BCAS1: variants seen among roughly 807,000 people sequenced by gnomAD.
BCAS1 encodes breast carcinoma-amplified sequence 1.
In BCAS1, 46 loss-of-function variants were observed where a neutral mutation model predicts 65.4. The ratio of observed to expected loss-of-function variants is 0.70; its 90% CI spans 0.55 to 0.90. The LOEUF (loss-of-function observed/expected upper bound fraction) is 0.90. BCAS1 is among the 40% of genes least tolerant of loss of function. The pLI, the probability that BCAS1 is intolerant of heterozygous loss-of-function variation, is 0.00. For synonymous variants in BCAS1, 298 were observed against 293.5 expected (o/e 1.02, Z -0.16); for missense variants, 793 against 771.2 (o/e 1.03, Z -0.33).
Position 54,040,751 on chromosome 20 carries a change from T to A in BCAS1, c.143-11779A>T, listed in dbSNP as rs547883781. 8.7e-4 allele frequency among the ~76,000 whole-genome samples: 132 copies of A among 151,278 alleles called. 2 individuals carry two copies. Among genetic ancestry groups the A allele is most frequent in the African/African-American group, 3.2e-3 (131 of 41,424 alleles). ...ATGCATTGCTGGTAGGAATGTGACATGGTGCAGCTGCTTTGGAAAGCAGTT... is the reference window on the plus strand; with the variant it reads ...ATGCATTGCTGGTAGGAATGTGACAAGGTGCAGCTGCTTTGGAAAGCAGTT... On this transcript the variant is annotated intron_variant, in intron 3 of 12. Transcript: ENST00000688948.
rs774713651 is a variant in BCAS1 at position 53,985,321 on chromosome 20, G to A, written c.1241C>T (p.Thr414Ile). ...AAACAGTTTGCCCAGAGGCAGAGAGGTGGGTCCTGATTTCTCCTTGGTGCC... is the reference window on the plus strand; with the variant it reads ...AAACAGTTTGCCCAGAGGCAGAGAGATGGGTCCTGATTTCTCCTTGGTGCC... ...KEGTKEKSGP[T>I]SLPLGKLFWK... Residue 414 changes from threonine to isoleucine, a missense_variant, in exon 8 of 13, where the codon ACC (threonine) becomes ATC (isoleucine). Physicochemically the swap from Thr to Ile is moderately conservative, Grantham distance 89 (BLOSUM62 -1). Transcript: ENST00000688948. 2 of 1,613,860 alleles carry A rather than the reference G, an allele frequency of 1.2e-6. No homozygotes were observed. Among genetic ancestry groups the A allele is most frequent in the East Asian group, 2.2e-5 (1 of 44,888 alleles).
intron 1 of BCAS1, among the ~76,000 whole-genome samples, chr20:54,059,092 A>G (rs906525736): frequency 6.6e-6 from 1 of 152,200 alleles, no homozygotes; most frequent in African/African-American, 2.4e-5. Flanking sequence ...TCACGAGAAC[A>G]GCGTGGAGGA....
chr20:54,041,043 G>A (rs947640599), intron 3 of BCAS1, among the ~76,000 whole-genome samples: 2 of 151,296 alleles, frequency 1.3e-5, no homozygotes, highest in African/African-American at 4.8e-5. Flanking sequence ...CTTTATACTT[G>A]GAAGCATGGT....
At chr20:53,992,457 T>G in intron 7 of BCAS1, 55 bp downstream of exon 7, 2 of 1,347,150 alleles carry the variant, frequency 1.5e-6, no homozygotes, top group Non-Finnish European at 2.0e-6. Context: ...GGATGGCACA[T>G]GTCTTGTGAA....
intron 7 of BCAS1, among the ~76,000 whole-genome samples, chr20:53,991,235 C>G (rs1336868308): frequency 6.6e-6 from 1 of 152,196 alleles, no homozygotes; most frequent in African/African-American, 2.4e-5. Context: ...TATTTCCCAG[C>G]AGTTACTAAG....
At chr20:54,020,312 A>C (rs1197782403) in intron 4 of BCAS1, among the ~76,000 whole-genome samples, 1 of 152,196 alleles carries the variant, frequency 6.6e-6, no homozygotes, top group Non-Finnish European at 1.5e-5. Context: ...ATAACTCAAA[A>C]TTTATTTTAC....
chr20:53,950,358 C>A (rs1415972677), intron 12 of BCAS1, among the ~76,000 whole-genome samples: 1 of 152,072 alleles, frequency 6.6e-6, no homozygotes, highest in Non-Finnish European at 1.5e-5. Flanking sequence ...CTGTCTGGCA[C>A]CTTTAACCTT....
intron 8 of BCAS1, among the ~76,000 whole-genome samples, chr20:53,984,518 C>T (rs1383684638): frequency 6.6e-6 from 1 of 152,144 alleles, no homozygotes; most frequent in Non-Finnish European, 1.5e-5. Flanking sequence ...GTGCCAAGTG[C>T]GATAGATGTT....
chr20:54,000,236 T>G (rs6097711), intron 4 of BCAS1, among the ~76,000 whole-genome samples: 37,884 of 151,902 alleles, frequency 0.25, 5,321 homozygotes, highest in African/African-American at 0.4. Flanking sequence ...GGGTTAGTGA[T>G]TTACCACTGG....
chr20:53,963,240 G>A (rs995549358), intron 10 of BCAS1, among the ~76,000 whole-genome samples: 1 of 151,942 alleles, frequency 6.6e-6, no homozygotes, highest in Non-Finnish European at 1.5e-5. Context: ...CCAGCACTTT[G>A]GGAGTCCGAG....
rs1054651315 is a variant in BCAS1 at position 54,031,906 on chromosome 20, C to T, written c.143-2934G>A. On this transcript the variant is annotated intron_variant, in intron 3 of 12. Coordinates refer to ENST00000688948, the MANE Select transcript of BCAS1 (RefSeq NM_001366298.2). ...GAGGGAATGGAATCAACCTGAAAAA[C>T]ATATTTCAGGAGTTCATCCCTGAAA... Among the ~76,000 whole-genome samples the T allele has an allele frequency of 3.3e-5, 5 of 151,066 alleles. 1 individual carries two copies. Among genetic ancestry groups the T allele is most frequent in the African/African-American group, 4.8e-5 (2 of 41,278 alleles).
chr20:53,982,944 C>A (rs540870239), intron 8 of BCAS1, among the ~76,000 whole-genome samples: 2 of 152,106 alleles, frequency 1.3e-5, no homozygotes, highest in African/African-American at 4.8e-5. Flanking sequence ...TGATTGGGTG[C>A]AAGAAGGAGA....
chr20:54,029,462 C>T (rs367933763), intron 3 of BCAS1, among the ~76,000 whole-genome samples: 1 of 152,290 alleles, frequency 6.6e-6, no homozygotes, highest in East Asian at 1.9e-4. Flanking sequence ...GCCCACTAGA[C>T]GCCGGTCACA....
intron 4 of BCAS1, among the ~76,000 whole-genome samples, chr20:54,023,139 C>A (rs571786476): frequency 6.6e-6 from 1 of 152,304 alleles, no homozygotes; most frequent in South Asian, 2.1e-4. Flanking sequence ...TTCGGTAATT[C>A]TTTTTATTTG....
At chr20:54,021,022 C>T (rs1232706524) in intron 4 of BCAS1, among the ~76,000 whole-genome samples, 1 of 152,168 alleles carries the variant, frequency 6.6e-6, no homozygotes, top group Non-Finnish European at 1.5e-5. Flanking sequence ...CTTCTACTTG[C>T]TCCATTCACT....
chr20:54,011,158 C>A (rs116217037), intron 4 of BCAS1, among the ~76,000 whole-genome samples: 1,394 of 77,388 alleles, frequency 0.018, 21 homozygotes, highest in African/African-American at 0.071. Context: ...ATTTCTGAGA[C>A]CTATGGTTAA....
chr20:53,954,004 G>A (rs977520237), intron 11 of BCAS1, among the ~76,000 whole-genome samples: 5 of 152,064 alleles, frequency 3.3e-5, no homozygotes, highest in Admixed American at 1.3e-4. Context: ...CATCTACTCC[G>A]TGTGGTCCAG....
At chr20:54,060,838 T>C (rs1189106262) in intron 1 of BCAS1, among the ~76,000 whole-genome samples, 2 of 152,164 alleles carry the variant, frequency 1.3e-5, no homozygotes, top group Non-Finnish European at 2.9e-5. Flanking sequence ...CAATTTTGTA[T>C]CTCCTAATCT....
At chr20:53,953,384 T>C (rs2089590366) in intron 12 of BCAS1, 48 bp downstream of exon 12, 1 of 1,605,758 alleles carries the variant, frequency 6.2e-7, no homozygotes, top group Non-Finnish European at 8.5e-7. Flanking sequence ...CAGATGGTGT[T>C]GGGGAAGGAG....
Sources: gnomAD v4.1 joint callset for allele counts (sites outside exome capture counted in the v4.1 genomes callset) on GRCh38, gnomAD v4.1.1 for gene constraint, MANE v1.5 for transcripts, NCBI Gene and HGNC (gene_info 2026-07-23, HGNC 2026-07-21) for gene names.